The following EPHA6 variants were observed in gnomAD, a reference collection of about 807,000 sequenced individuals.
EPHA6 encodes EPH receptor A6, also known as ephrin type-A receptor 6.
EPHA6 carries 50 observed loss-of-function variants against 112.0 expected under a neutral mutation model. The ratio of observed to expected loss-of-function variants is 0.45; its 90% confidence interval spans 0.36 to 0.56. EPHA6 has a LOEUF of 0.56. EPHA6 is among the 20% of genes least tolerant of loss of function. The pLI, the probability that EPHA6 is intolerant of heterozygous loss-of-function variation, is 0.00. For synonymous variants in EPHA6, 529 were observed against 490.7 expected, an observed-to-expected ratio of 1.08 and a Z score of -1.03; for missense variants, 1,280 against 1,417.4, an observed-to-expected ratio of 0.90 and a Z score of 1.56.
chr3:97,337,879 G>A (rs772008896), intron 5 of EPHA6, among the ~76,000 whole-genome samples: 4 of 152,054 alleles, frequency 2.6e-5, no homozygotes, highest in Non-Finnish European at 5.9e-5. Flanking sequence ...CTTTGAAGAC[G>A]AGCAACTCAG....
intron 5 of EPHA6, among the ~76,000 whole-genome samples, chr3:97,337,623 TA>T (rs1001341258): frequency 6.6e-6 from 1 of 152,160 alleles, no homozygotes; most frequent in African/African-American, 2.4e-5. Flanking sequence ...ATTTGTGCTA[TA>T]AACCTTTCCC....
intron 2 of EPHA6, among the ~76,000 whole-genome samples, chr3:96,892,996 G>T (rs529988221): frequency 3.5e-4 from 53 of 151,502 alleles, no homozygotes; most frequent in Admixed American, 5.9e-4. Flanking sequence ...GTGTGTGTGT[G>T]TGCGCGCGCA....
intron 6 of EPHA6, chr3:97,447,702 A>G: frequency 1.0e-6 from 1 of 965,426 alleles, no homozygotes; most frequent in Non-Finnish European, 1.2e-6. Flanking sequence ...CCATGTAACA[A>G]ACCCTGACTG....
intron 14 of EPHA6, among the ~76,000 whole-genome samples, chr3:97,675,275 T>C (rs1194128578): frequency 6.6e-6 from 1 of 151,962 alleles, no homozygotes; most frequent in Admixed American, 6.6e-5. Flanking sequence ...GGTCAGGAGC[T>C]CAAAACCAAC....
At chr3:97,489,256 C>G (rs1284043262) in intron 10 of EPHA6, among the ~76,000 whole-genome samples, 1 of 152,222 alleles carries the variant, frequency 6.6e-6, no homozygotes, top group Non-Finnish European at 1.5e-5. Context: ...CAGAATTCAA[C>G]AGTCAATGCC....
intron 2 of EPHA6, among the ~76,000 whole-genome samples, chr3:96,923,951 T>A (rs554464532): frequency 6.6e-6 from 1 of 152,282 alleles, no homozygotes; most frequent in African/African-American, 2.4e-5. Flanking sequence ...TGTGTGATCT[T>A]ATGTCTGGTT....
chr3:97,609,079 T>C (rs565868253), intron 12 of EPHA6, among the ~76,000 whole-genome samples: 1 of 151,206 alleles, frequency 6.6e-6, no homozygotes, highest in Non-Finnish European at 1.5e-5. Flanking sequence ...GAAGGATAAA[T>C]GTTTGTTAAA....
intron 10 of EPHA6, among the ~76,000 whole-genome samples, chr3:97,501,678 T>C (rs935667579): frequency 2.6e-5 from 4 of 152,020 alleles, no homozygotes; most frequent in African/African-American, 7.3e-5. Context: ...AGGGCACAAC[T>C]AATGTGATAC....
At chr3:97,543,998 T>C (rs2092907760) in intron 11 of EPHA6, among the ~76,000 whole-genome samples, 1 of 152,198 alleles carries the variant, frequency 6.6e-6, no homozygotes, top group Non-Finnish European at 1.5e-5. Flanking sequence ...TGGGCTCAGA[T>C]GATGGGGTTT....
At chr3:96,879,693 G>A (rs777441870) in intron 2 of EPHA6, among the ~76,000 whole-genome samples, 1 of 152,180 alleles carries the variant, frequency 6.6e-6, no homozygotes, top group East Asian at 1.9e-4. Context: ...TCAGCATTTC[G>A]TAGTTCTTCT....
intron 14 of EPHA6, among the ~76,000 whole-genome samples, chr3:97,710,784 A>G (rs766045368): frequency 3.3e-5 from 5 of 152,300 alleles, no homozygotes; most frequent in Non-Finnish European, 7.4e-5. Flanking sequence ...CTTGTCCAAA[A>G]CAAGCACCCC....
chr3:97,681,716 A>T (rs1314627758), intron 14 of EPHA6, among the ~76,000 whole-genome samples: 3 of 152,102 alleles, frequency 2.0e-5, no homozygotes, highest in Admixed American at 6.6e-5. Context: ...TATGTGGTGC[A>T]TTGATCCTTT....
intron 2 of EPHA6, among the ~76,000 whole-genome samples, chr3:96,958,297 A>G (rs77937993): frequency 6.7e-6 from 1 of 148,430 alleles, no homozygotes; most frequent in Non-Finnish European, 1.5e-5. Context: ...TCCCTAAAGA[A>G]AAAAAAAAAA....
In EPHA6 at chr3:97,513,992, T is replaced by C. The variant is rs894369450; in HGVS notation, c.2201-18366T>C. On this transcript the variant is annotated intron_variant, in intron 10 of 17. Transcript: ENST00000389672. ...TGAGAAATTGTGCTTAAAAGAATGA[T>C]ATAATTCAGCCTAAATGGAAACTAA... Among the ~76,000 whole-genome samples the C allele has an allele frequency of 5.9e-5, 9 of 152,188 alleles. No homozygotes were observed. The East Asian group carries it at 1.2e-3, about 20-fold the overall frequency.
chr3:97,500,808 T>C (rs146598924), intron 10 of EPHA6, among the ~76,000 whole-genome samples: 25 of 152,320 alleles, frequency 1.6e-4, no homozygotes, highest in African/African-American at 5.8e-4. Flanking sequence ...AGTTTCATAA[T>C]TAATCAGTTC....
chr3:97,604,345 G>A (rs1206916332), intron 12 of EPHA6, among the ~76,000 whole-genome samples: 2 of 151,608 alleles, frequency 1.3e-5, no homozygotes, highest in Non-Finnish European at 3.0e-5. Context: ...AATCATCCTA[G>A]TTTGCCTGGG....
At chr3:96,974,842 C>T (rs964080459) in intron 2 of EPHA6, among the ~76,000 whole-genome samples, 3 of 152,094 alleles carry the variant, frequency 2.0e-5, no homozygotes, top group Admixed American at 6.6e-5. Context: ...TTTATTCATT[C>T]TAAGACATAC....
At chr3:96,878,781 T>C (rs1253611725) in intron 2 of EPHA6, among the ~76,000 whole-genome samples, 1 of 152,086 alleles carries the variant, frequency 6.6e-6, no homozygotes, top group African/African-American at 2.4e-5. Context: ...TTGAAATCTC[T>C]AAGCCTCCAA....
intron 7 of EPHA6, among the ~76,000 whole-genome samples, chr3:97,455,713 C>G (rs141052562): frequency 6.6e-6 from 1 of 151,882 alleles, no homozygotes; most frequent in Non-Finnish European, 1.5e-5. Flanking sequence ...GATTAATGTA[C>G]ACATGGTAGA....
Sources: allele counts gnomAD v4.1 joint callset (sites outside exome capture counted in the v4.1 genomes callset), GRCh38; gene constraint gnomAD v4.1.1; transcripts MANE v1.5; gene names NCBI Gene and HGNC (gene_info 2026-07-23, HGNC 2026-07-21).